SNX13: variants seen among roughly 807,000 people sequenced by gnomAD.
SNX13 encodes the protein sorting nexin-13.
SNX13 carries 45 observed loss-of-function variants against 133.6 expected under a neutral mutation model. That is an observed-to-expected ratio of 0.34 (90% CI 0.27 to 0.43). The LOEUF is 0.43. Among genes scored for constraint, SNX13 ranks in the 20% least tolerant of loss-of-function variants. The probability of loss-of-function intolerance (pLI) is 1.00; values close to 1 mark genes in which losing one functional copy is unlikely to be tolerated. For missense variants in SNX13, 1,032 were observed against 1,145.1 expected, an observed-to-expected ratio of 0.90 and a Z score of 1.43; for synonymous variants, 414 against 373.9, an observed-to-expected ratio of 1.11 and a Z score of -1.24.
intron 9 of SNX13, among the ~76,000 whole-genome samples, chr7:17,854,611 A>G (rs1313076341): frequency 2.0e-5 from 3 of 152,180 alleles, no homozygotes; most frequent in African/African-American, 4.8e-5. Context: ...CATTATTACT[A>G]TATCTACTAT....
intron 17 of SNX13, among the ~76,000 whole-genome samples, chr7:17,825,226 G>A (rs1432051728): frequency 6.6e-6 from 1 of 151,254 alleles, no homozygotes; most frequent in African/African-American, 2.4e-5. Flanking sequence ...ATTTTAAAAA[G>A]ATACAAGTTA....
At chr7:17,801,474 T>C (rs1000722914) in intron 22 of SNX13, 114 bp downstream of exon 22, 1 of 748,496 alleles carries the variant, frequency 1.3e-6, no homozygotes, top group Non-Finnish European at 2.1e-6. Context: ...TTCATCAAGC[T>C]TAACACTTAT....
chr7:17,871,719 G>A (rs933363644), intron 8 of SNX13, among the ~76,000 whole-genome samples: 2 of 152,134 alleles, frequency 1.3e-5, no homozygotes, highest in African/African-American at 4.8e-5. Flanking sequence ...ATCCCAACTT[G>A]TTCTTTTTTA....
At chr7:17,928,350 T>A (rs1219597818) in intron 1 of SNX13, among the ~76,000 whole-genome samples, 1 of 152,170 alleles carries the variant, frequency 6.6e-6, no homozygotes, top group Non-Finnish European at 1.5e-5. Flanking sequence ...ATATATTAAG[T>A]GCTTACAGTT....
intron 1 of SNX13, among the ~76,000 whole-genome samples, chr7:17,914,842 A>T (rs903836999): frequency 3.3e-5 from 5 of 152,190 alleles, no homozygotes; most frequent in African/African-American, 1.2e-4. Context: ...ACTAGCTAAC[A>T]ACACTATGGC....
intron 1 of SNX13, among the ~76,000 whole-genome samples, chr7:17,913,760 C>CAAAAAAAAAAAAAAA (rs71010278): frequency 9.4e-4 from 51 of 53,976 alleles, no homozygotes; most frequent in South Asian, 4.0e-3. Flanking sequence ...TTAACAAAAA[C>CAAAAAAAAAAAAAAA]AAAAAAAAAA....
At chr7:17,834,635 A>G (rs907938107) in intron 14 of SNX13, 126 bp downstream of exon 14, 1 of 531,550 alleles carries the variant, frequency 1.9e-6, no homozygotes, top group East Asian at 3.1e-5. Flanking sequence ...ATTGAGAAGT[A>G]TAATTGCCAT....
At chr7:17,819,006 C>T (rs775919543) in intron 18 of SNX13, among the ~76,000 whole-genome samples, 4 of 152,160 alleles carry the variant, frequency 2.6e-5, no homozygotes, top group Non-Finnish European at 5.9e-5. Context: ...GAGGCAAGGA[C>T]TTAGTCTGTC....
intron 12 of SNX13, among the ~76,000 whole-genome samples, chr7:17,844,078 C>T (rs1181457856): frequency 6.6e-6 from 1 of 151,564 alleles, no homozygotes; most frequent in Non-Finnish European, 1.5e-5. Flanking sequence ...AAGATTAGAG[C>T]AGAGATAAAC....
chr7:17,910,920 A>T (rs1798906354), intron 1 of SNX13, among the ~76,000 whole-genome samples: 1 of 152,216 alleles, frequency 6.6e-6, no homozygotes, highest in Non-Finnish European at 1.5e-5. Context: ...TAATGGATAC[A>T]GTCTTCTTTT....
chr7:17,920,947 A>G (rs1469888106), intron 1 of SNX13, among the ~76,000 whole-genome samples: 1 of 152,216 alleles, frequency 6.6e-6, no homozygotes, highest in East Asian at 1.9e-4. Flanking sequence ...CATTTGGTGC[A>G]GCAGCGTGTA....
Position 17,848,777 on chromosome 7 carries a change from C to T in SNX13, c.1065+1570G>A, listed in dbSNP as rs559017732. On this transcript the variant is annotated intron_variant, in intron 11 of 25. Coordinates refer to ENST00000428135, the MANE Select transcript of SNX13 (RefSeq NM_015132.5). ...AAGTTCCCACTGGCTTGCTCACGCG[C>T]TCCCCACCACAAAGAGTTGAGAACA... 2.4e-4 allele frequency among the ~76,000 whole-genome samples: 37 copies of T among 152,354 alleles called. No individual in the cohort carries two copies. The South Asian group carries it at 5.2e-3, about 21-fold the overall frequency.
At chr7:17,929,555 C>T (rs1801158241) in intron 1 of SNX13, among the ~76,000 whole-genome samples, 1 of 152,080 alleles carries the variant, frequency 6.6e-6, no homozygotes, top group South Asian at 2.1e-4. Flanking sequence ...CACTCCTCAC[C>T]TTTATGCTCT....
At chr7:17,870,083 G>A (rs1052618186) in intron 8 of SNX13, among the ~76,000 whole-genome samples, 3 of 152,122 alleles carry the variant, frequency 2.0e-5, no homozygotes, top group Non-Finnish European at 4.4e-5. Context: ...CCTAGTGAGA[G>A]CTCTAAATAT....
At chr7:17,796,054 C>T (rs1050898274) in intron 25 of SNX13, 1 of 151,508 alleles carries the variant, frequency 6.6e-6, no homozygotes, top group African/African-American at 2.4e-5. Context: ...TTCTCTACAT[C>T]CAGAATTAAA....
chr7:17,856,420 T>C (rs1791889881), intron 9 of SNX13, among the ~76,000 whole-genome samples: 1 of 152,126 alleles, frequency 6.6e-6, no homozygotes, highest in East Asian at 1.9e-4. Flanking sequence ...ACAAAACAAC[T>C]AGAAAATAGT....
chr7:17,796,477 C>T (rs1784068276), intron 25 of SNX13: 1 of 175,226 alleles, frequency 5.7e-6, no homozygotes, highest in Admixed American at 5.9e-5. Flanking sequence ...CAATATGTTT[C>T]AAGGCAGCAG....
chr7:17,794,074 T>C lies in SNX13; in HGVS notation c.2845A>G (p.Thr949Ala). The C allele has an allele frequency of 6.2e-7, 1 of 1,611,416 alleles. No homozygotes were observed. The change falls in exon 26 of 26, where the codon ACT becomes GCT. Residue 949 changes from threonine to alanine, a missense_variant. Physicochemically the swap from Thr to Ala is moderately conservative, Grantham distance 58. Coordinates refer to ENST00000428135, the MANE Select transcript of SNX13 (RefSeq NM_015132.5). ...MQKYKQKLQT[T>A]QAPSLQKR is the part of the protein sequence containing the mutation. ...CTTTTCTGCAAAGAAGGCGCTTGAG[T>C]AGTTTGAAGTTTCTGTTTATATTTC...
chr7:17,918,049 G>C (rs1408813309), intron 1 of SNX13, among the ~76,000 whole-genome samples: 3 of 152,016 alleles, frequency 2.0e-5, no homozygotes, highest in Non-Finnish European at 4.4e-5. Flanking sequence ...AATAAACAAT[G>C]GGGAAAGGAC....
Sources: gnomAD v4.1 joint callset for allele counts (sites outside exome capture counted in the v4.1 genomes callset) on GRCh38, gnomAD v4.1.1 for gene constraint, MANE v1.5 for transcripts, NCBI Gene and HGNC (gene_info 2026-07-23, HGNC 2026-07-21) for gene names.